The following EEPD1 variants were observed in gnomAD, a reference collection of about 807,000 sequenced individuals.
EEPD1 encodes the protein endonuclease/exonuclease/phosphatase family domain containing 1.
In EEPD1, 17 loss-of-function variants were observed where a neutral mutation model predicts 46.3. The ratio of observed to expected loss-of-function variants is 0.37; its 90% CI spans 0.25 to 0.55. The LOEUF is 0.55. EEPD1 is among the 20% of genes least tolerant of loss of function. The pLI is 0.83. For synonymous variants in EEPD1, 313 were observed against 315.6 expected, an observed-to-expected ratio of 0.99 and a Z score of 0.09; for missense variants, 673 against 745.6, an observed-to-expected ratio of 0.90 and a Z score of 1.13.
At position 36,171,892 on chromosome 7, in the gene EEPD1, G is replaced by A. The variant is rs143399111; in HGVS notation, c.878+16690G>A. On this transcript the variant is annotated intron_variant, in intron 2 of 7. Transcript: ENST00000242108. Reference sequence around the variant, plus strand: ...ATCAGAGTCAGGTGCCATGACCTTGGTGTTTTACATAGTTCAAGACCAAAC... The same window carrying A: ...ATCAGAGTCAGGTGCCATGACCTTGATGTTTTACATAGTTCAAGACCAAAC... Among the ~76,000 whole-genome samples the A allele has an allele frequency of 4.4e-3, 672 of 152,286 alleles. 3 individuals are homozygous for A. Among genetic ancestry groups the A allele is most frequent in the Non-Finnish European group, 7.8e-3 (528 of 68,020 alleles).
At chr7:36,296,874 A>G (rs1365822090) in intron 6 of EEPD1, 119 bp from the exon 7 acceptor site, 1 of 918,756 alleles carries the variant, frequency 1.1e-6, no homozygotes, top group Non-Finnish European at 1.6e-6. Context: ...ACCATGCCAC[A>G]GTACTAACCC....
intron 2 of EEPD1, among the ~76,000 whole-genome samples, chr7:36,231,288 GTCTT>G (rs1786323300): frequency 6.6e-6 from 1 of 152,140 alleles, no homozygotes; most frequent in Non-Finnish European, 1.5e-5. Context: ...CGCATTCTAG[GTCTT>G]TCTAAGTGTT....
intron 3 of EEPD1, among the ~76,000 whole-genome samples, chr7:36,261,395 TA>T (rs752756056): frequency 2.2e-4 from 34 of 152,318 alleles, no homozygotes; most frequent in Admixed American, 5.9e-4. Context: ...AACTCTGTTT[TA>T]CTTTTTAGCA....
intron 2 of EEPD1, among the ~76,000 whole-genome samples, chr7:36,196,519 C>G (rs1785589749): frequency 6.6e-6 from 1 of 152,228 alleles, no homozygotes; most frequent in South Asian, 2.1e-4. Context: ...CTGCCTGATT[C>G]TCCTGCGTCA....
chr7:36,269,200 C>T (rs1787066433), intron 3 of EEPD1, among the ~76,000 whole-genome samples: 1 of 152,084 alleles, frequency 6.6e-6, no homozygotes, highest in South Asian at 2.1e-4. Context: ...TCCTCAAGGT[C>T]CTAACAAATA....
intron 2 of EEPD1, among the ~76,000 whole-genome samples, chr7:36,171,846 A>C (rs1684887498): frequency 6.6e-6 from 1 of 152,188 alleles, no homozygotes; most frequent in East Asian, 1.9e-4. Context: ...TTTCAAAGCA[A>C]CCTGCCTGAT....
chr7:36,157,103 A>G (rs752956932), intron 2 of EEPD1, among the ~76,000 whole-genome samples: 3 of 152,246 alleles, frequency 2.0e-5, no homozygotes, highest in Non-Finnish European at 4.4e-5. Flanking sequence ...TAATCTAAAG[A>G]TGAATTAAAA....
chr7:36,183,888 T>G (rs28410507), intron 2 of EEPD1, among the ~76,000 whole-genome samples: 24,466 of 135,424 alleles, frequency 0.18, 3,919 homozygotes, highest in African/African-American at 0.38. Context: ...TTTTTTTTTT[T>G]ATTTTTAAAA....
rs555006811 is a variant in EEPD1, at chr7:36,280,991, T to A, written c.931-124T>A. On this transcript the variant is annotated intron_variant, in intron 3 of 7. Coordinates refer to ENST00000242108, the MANE Select transcript of EEPD1 (RefSeq NM_030636.3). ...TAGTGTTTGAAAAACAGGGATGTAG[T>A]TCAGCAGTGTCTGAATAAGGCTGAT... 1.7e-3 allele frequency: 1,174 copies of A among 702,914 alleles called. 26 individuals carry two copies. In the South Asian group the frequency reaches 0.02, roughly 12 times the overall value. 43.5% of individuals were successfully genotyped at this position (702,914 alleles called of 1,614,324 possible). A position where few individuals can be genotyped will look rare whatever the true frequency, so the allele number is the denominator to read the frequency against.
chr7:36,158,299 A>G (rs1344038932), intron 2 of EEPD1, among the ~76,000 whole-genome samples: 4 of 152,032 alleles, frequency 2.6e-5, no homozygotes, highest in African/African-American at 7.3e-5. Flanking sequence ...CCTCTTGGTT[A>G]GACACCCATC....
At chr7:36,284,859 C>A in intron 5 of EEPD1, 39 bp downstream of exon 5, 2 of 1,434,768 alleles carry the variant, frequency 1.4e-6, no homozygotes, top group Non-Finnish European at 1.8e-6. Context: ...GAATCTGCTT[C>A]TTTCTAAAAA....
rs116748912 is a variant in EEPD1, at chr7:36,162,108, C to T, written c.878+6906C>T. ...ATATCATAACATCCAGGAAATGCCA[C>T]AAAAATGTCCTGCTCTACCTGACAG... On this transcript the variant is annotated intron_variant, in intron 2 of 7. Coordinates refer to ENST00000242108, the MANE Select transcript of EEPD1 (RefSeq NM_030636.3). Among the ~76,000 whole-genome samples the T allele has an allele frequency of 9.3e-3, 1,416 of 152,282 alleles. 20 individuals are homozygous for T. Among genetic ancestry groups the T allele is most frequent in the African/African-American group, 0.033 (1,354 of 41,552 alleles).
rs745753282 is a variant in EEPD1, at chr7:36,154,341, G to A, written c.17G>A (p.Gly6Asp). MGSTL[G>D]CHRSIPRDPS... is the part of the protein sequence containing the mutation. The stretch of plus-strand genomic sequence containing the variant: ...TGGCGGACCATGGGGAGCACCCTGG[G>A]CTGCCACCGCTCCATCCCCAGGGAC... Residue 6 changes from glycine (G) to aspartate (D), a missense_variant, in exon 2 of 8, where the codon GGC (glycine) becomes GAC (aspartate). Transcript: ENST00000242108. This position sits in a 1 kb window ranked among gnomAD's most constrained non-coding sequence, Gnocchi z 4.2. 6 of 1,610,210 alleles carry A rather than the reference G, an allele frequency of 3.7e-6. No homozygotes were observed. In the Admixed American group the frequency reaches 8.3e-5, roughly 22 times the overall value.
At chr7:36,210,498 G>A (rs1340424847) in intron 2 of EEPD1, among the ~76,000 whole-genome samples, 1 of 152,094 alleles carries the variant, frequency 6.6e-6, no homozygotes, top group Non-Finnish European at 1.5e-5. Flanking sequence ...CTTGTTCCCT[G>A]CATACCTTCC....
chr7:36,292,647 A>T (rs1284106153), intron 6 of EEPD1, among the ~76,000 whole-genome samples: 2 of 152,020 alleles, frequency 1.3e-5, no homozygotes, highest in Non-Finnish European at 2.9e-5. Flanking sequence ...AACTGGGATT[A>T]CAGGCGCCCA....
At chr7:36,297,814 G>T (rs1787550537) in intron 7 of EEPD1, among the ~76,000 whole-genome samples, 1 of 152,230 alleles carries the variant, frequency 6.6e-6, no homozygotes, top group Admixed American at 6.5e-5. Flanking sequence ...CTGGTAACCT[G>T]CTGAGTCAGG....
chr7:36,194,525 C>G (rs988818595), intron 2 of EEPD1, among the ~76,000 whole-genome samples: 39 of 152,206 alleles, frequency 2.6e-4, no homozygotes, highest in African/African-American at 9.2e-4. Flanking sequence ...CTTGTTACCT[C>G]TGCATTTCCC....
At chr7:36,272,500 G>GTTTTTTTT (rs770310341) in intron 3 of EEPD1, among the ~76,000 whole-genome samples, 2 of 115,382 alleles carry the variant, frequency 1.7e-5, no homozygotes, top group African/African-American at 7.0e-5. Flanking sequence ...CTGGTTTTTT[G>GTTTTTTTT]TTGTTGTTTT....
rs1785810248 is a variant in EEPD1 at position 36,205,999 on chromosome 7, C to T, written c.879-32986C>T. On this transcript the variant is annotated intron_variant, in intron 2 of 7. Transcript: ENST00000242108. ...GAGGGCGCTGTGTCTTCCATTCACA[C>T]ACCGGCCCTGTGTGCATTCAGGCCC... is the stretch of plus-strand genomic sequence containing the variant. Among the ~76,000 whole-genome samples, 3 of 152,200 alleles carry T rather than the reference C, an allele frequency of 2.0e-5. No individual in the cohort carries two copies. In the South Asian group the frequency reaches 6.2e-4, roughly 31 times the overall value.
Sources: allele counts gnomAD v4.1 joint callset (sites outside exome capture counted in the v4.1 genomes callset), GRCh38; gene constraint gnomAD v4.1.1; non-coding constraint Gnocchi (gnomAD v3.1); transcripts MANE v1.5; gene names NCBI Gene and HGNC (gene_info 2026-07-23, HGNC 2026-07-21).